CASR: variants seen among roughly 807,000 people sequenced by gnomAD.
CASR encodes the protein extracellular calcium-sensing receptor.
CASR carries 23 observed loss-of-function variants against 69.1 expected under a neutral mutation model. The observed-to-expected ratio is 0.33, with a 90% CI of 0.24 to 0.47. CASR has a LOEUF of 0.47. Among genes scored for constraint, CASR ranks in the 20% least tolerant of loss-of-function variants. CASR has a pLI of 1.00. For synonymous variants in CASR, 541 were observed against 544.7 expected (o/e 0.99, Z 0.10); for missense variants, 924 against 1,356.1 (o/e 0.68, Z 5.00).
intron 1 of CASR, among the ~76,000 whole-genome samples, chr3:122,241,155 T>G (rs1472682545): frequency 6.6e-6 from 1 of 151,266 alleles, no homozygotes; most frequent in Non-Finnish European, 1.5e-5. Flanking sequence ...AAACTCAAAA[T>G]TAGTAGAAGA....
Position 122,261,814 on chromosome 3 carries a change from A to G in CASR, c.779A>G (p.Gln260Arg), listed in dbSNP as rs200386687. 1.3e-4 allele frequency: 216 copies of G among 1,614,260 alleles called. No homozygotes were observed. Among genetic ancestry groups the G allele is most frequent in the Non-Finnish European group, 1.7e-4 (196 of 1,180,048 alleles). Residue 260 changes from glutamine to arginine, a missense_variant, in exon 4 of 7, where the codon CAA (glutamine) becomes CGA (arginine). This residue lies in a region of CASR where 310 missense variants were observed against 395.7 expected (regional missense o/e 0.78). Coordinates refer to ENST00000639785, the MANE Select transcript of CASR (RefSeq NM_000388.4). ...EEIQHVVEVI[Q>R]NSTAKVIVVF... ...ATCCAGCATGTGGTAGAGGTGATTC[A>G]AAATTCCACGGCCAAAGTCATCGTG...
At chr3:122,256,237 C>T (rs925827047) in intron 2 of CASR, among the ~76,000 whole-genome samples, 2 of 152,186 alleles carry the variant, frequency 1.3e-5, no homozygotes, top group African/African-American at 4.8e-5. Flanking sequence ...AGATCATTCA[C>T]GTCCCTTTCC....
Position 122,260,518 on chromosome 3 carries a change from A to T in CASR, c.493-1010A>T, listed in dbSNP as rs35981722. On this transcript the variant is annotated intron_variant, in intron 3 of 6. Coordinates refer to ENST00000639785, the MANE Select transcript of CASR (RefSeq NM_000388.4). ...CTCAGCCATCACCTATAACTGAATA[A>T]AGGAAAGGGCTCTGGAAGGTGCTTC... 3.4e-3 allele frequency among the ~76,000 whole-genome samples: 512 copies of T among 152,296 alleles called. 3 individuals are homozygous for T. The highest frequency in any genetic ancestry group is 0.012 in the African/African-American group (493 of 41,560).
rs755629322 is a variant in CASR at position 122,284,715 on chromosome 3, G to A, written c.2761G>A (p.Glu921Lys). 6.2e-6 allele frequency: 10 copies of A among 1,614,104 alleles called. No individual in the cohort carries two copies. Among genetic ancestry groups the A allele is most frequent in the Admixed American group, 5.0e-5 (3 of 60,026 alleles). ...CTCCATCAGCAGCAAGAGCAACAGC[G>A]AAGACCCATTCCCACAGCCCGAGAG... ...SSSISSKSNS[E>K]DPFPQPERQK... is the part of the protein sequence containing the mutation. The change falls in exon 7 of 7, where the codon GAA becomes AAA. Residue 921 changes from glutamate (E) to lysine (K), a missense_variant. By Grantham distance (56) the Glu-to-Lys change is moderately conservative (BLOSUM62 1). Around this residue, in one of 8 missense-constraint regions of CASR, gnomAD observed 201 missense variants for 228.8 expected, o/e 0.88. Transcript: ENST00000639785.
At chr3:122,241,660 T>A (rs1392960620) in intron 1 of CASR, among the ~76,000 whole-genome samples, 1 of 152,010 alleles carries the variant, frequency 6.6e-6, no homozygotes, top group African/African-American at 2.4e-5. Context: ...AAGGAATACT[T>A]CCAAACTCAT....
intron 1 of CASR, among the ~76,000 whole-genome samples, chr3:122,231,019 G>A (rs1270315283): frequency 6.6e-6 from 1 of 152,138 alleles, no homozygotes; most frequent in Non-Finnish European, 1.5e-5. Context: ...TGTGTGTTCT[G>A]CTTACCATCC....
intron 1 of CASR, among the ~76,000 whole-genome samples, chr3:122,186,784 A>AT (rs1297347961): frequency 6.6e-6 from 1 of 152,198 alleles, no homozygotes; most frequent in Non-Finnish European, 1.5e-5. Context: ...GGTTGAGGAT[A>AT]TATTTGTTGT....
chr3:122,223,324 A>G (rs1342019558), intron 1 of CASR, among the ~76,000 whole-genome samples: 2 of 152,208 alleles, frequency 1.3e-5, no homozygotes, highest in Non-Finnish European at 2.9e-5. Flanking sequence ...TAAAGAAAAA[A>G]GAGAAGATCC....
chr3:122,260,806 G>A (rs35881570), intron 3 of CASR, among the ~76,000 whole-genome samples: 2,713 of 152,292 alleles, frequency 0.018, 77 homozygotes, highest in African/African-American at 0.06. Context: ...TTGTGATACA[G>A]GGGGATTGAG....
At chr3:122,191,051 A>C (rs1186663592) in intron 1 of CASR, among the ~76,000 whole-genome samples, 1 of 152,198 alleles carries the variant, frequency 6.6e-6, no homozygotes, top group Non-Finnish European at 1.5e-5. Context: ...AAGGATGTCC[A>C]CCAGCAAAAA....
chr3:122,245,757 G>A (rs756828217), intron 1 of CASR, among the ~76,000 whole-genome samples: 13 of 152,094 alleles, frequency 8.5e-5, no homozygotes, highest in Non-Finnish European at 1.6e-4. Context: ...AATAAAAGTC[G>A]GCCAGGTCTG....
rs771741512 is a variant in CASR, at chr3:122,262,316, T to C, written c.1281T>C (p.Ile427=). The change falls in exon 4 of 7, where the codon ATT becomes ATC. Residue 427 remains isoleucine, a synonymous_variant. Coordinates refer to ENST00000639785, the MANE Select transcript of CASR (RefSeq NM_000388.4). ...ATGTGTACTTAGCAGTCTACTCCATTGCCCACGCCTTGCAAGATATATATA... is the reference window on the plus strand; with the variant it reads ...ATGTGTACTTAGCAGTCTACTCCATCGCCCACGCCTTGCAAGATATATATA... ...SYNVYLAVYS[I]AHALQDIYTC... 6.8e-6 allele frequency: 11 copies of C among 1,613,994 alleles called. No individual in the cohort carries two copies. The highest frequency in any genetic ancestry group is 3.3e-5 in the Admixed American group (2 of 60,008).
intron 1 of CASR, among the ~76,000 whole-genome samples, chr3:122,200,319 T>C (rs2073934633): frequency 6.6e-6 from 1 of 152,190 alleles, no homozygotes; most frequent in Non-Finnish European, 1.5e-5. Flanking sequence ...TATTGAAATA[T>C]CACACAGTAC....
At chr3:122,281,352 G>A (rs1475851285) in intron 5 of CASR, among the ~76,000 whole-genome samples, 1 of 152,104 alleles carries the variant, frequency 6.6e-6, no homozygotes, top group Admixed American at 6.6e-5. Flanking sequence ...GTTTTATTTG[G>A]TCCTTTTCAA....
intron 1 of CASR, among the ~76,000 whole-genome samples, chr3:122,250,900 C>A (rs923640370): frequency 2.0e-5 from 3 of 152,136 alleles, no homozygotes; most frequent in African/African-American, 7.2e-5. Flanking sequence ...ATGTCTACCC[C>A]CTGGACTGAG....
intron 5 of CASR, among the ~76,000 whole-genome samples, chr3:122,277,180 C>T (rs548082909): frequency 6.6e-6 from 1 of 151,790 alleles, no homozygotes; most frequent in African/African-American, 2.4e-5. Flanking sequence ...TCCCAAGTAG[C>T]TGGAATTACA....
intron 1 of CASR, among the ~76,000 whole-genome samples, chr3:122,230,275 C>T (rs959287711): frequency 2.4e-4 from 37 of 152,352 alleles, no homozygotes; most frequent in Middle Eastern, 3.4e-3. Context: ...TGACGCCTCG[C>T]GGTGAGGGCC....
At chr3:122,210,651 T>G (rs1486101089) in intron 1 of CASR, among the ~76,000 whole-genome samples, 1 of 152,112 alleles carries the variant, frequency 6.6e-6, no homozygotes, top group Non-Finnish European at 1.5e-5. Context: ...ATCATGAAAA[T>G]GGCCTTACTG....
rs1350678512 is a variant in CASR at position 122,262,292 on chromosome 3, T to C, written c.1257T>C (p.Asn419=). The change falls in exon 4 of 7, where the codon AAT becomes AAC. Residue 419 remains asparagine (N), a synonymous_variant. Transcript: ENST00000639785. Reference sequence around the variant, plus strand: ...ACACGCATTTACGGATATCCTACAATGTGTACTTAGCAGTCTACTCCATTG... The same window carrying C: ...ACACGCATTTACGGATATCCTACAACGTGTACTTAGCAGTCTACTCCATTG... ...IDYTHLRISY[N]VYLAVYSIAH... The C allele has an allele frequency of 1.9e-6, 3 of 1,614,160 alleles. No homozygotes were observed. The highest frequency in any genetic ancestry group is 2.2e-5 in the South Asian group (2 of 91,082).
Sources: gnomAD v4.1 joint callset for allele counts (sites outside exome capture counted in the v4.1 genomes callset) on GRCh38, gnomAD v4.1.1 for gene constraint, gnomAD v4.1.1 regional missense constraint, MANE v1.5 for transcripts, NCBI Gene and HGNC (gene_info 2026-07-23, HGNC 2026-07-21) for gene names.